The following SFMBT2 variants were observed in gnomAD, a reference collection of about 807,000 sequenced individuals.
SFMBT2 encodes Scm like with four mbt domains 2.
A neutral mutation model predicts 110.1 loss-of-function variants in SFMBT2; 38 were observed. The observed-to-expected ratio is 0.35, with a 90% CI of 0.27 to 0.45. The LOEUF (loss-of-function observed/expected upper bound fraction) is 0.45. Ranked by LOEUF, SFMBT2 falls within the 20% of genes least tolerant of loss-of-function variation. The pLI is 1.00. For missense variants in SFMBT2, 1,011 were observed against 1,094.9 expected (o/e 0.92, Z 1.08); for synonymous variants, 425 against 425.4 (o/e 1.00, Z 0.01).
intron 7 of SFMBT2, among the ~76,000 whole-genome samples, chr10:7,267,826 A>G (rs1429994795): frequency 6.6e-6 from 1 of 152,236 alleles, no homozygotes; most frequent in East Asian, 1.9e-4. Flanking sequence ...CATAGATGTT[A>G]GTGACATTTC....
chr10:7,248,738 G>T (rs925191954), intron 7 of SFMBT2, 89 bp from the exon 8 acceptor site: 15 of 1,105,728 alleles, frequency 1.4e-5, no homozygotes, highest in Non-Finnish European at 1.9e-5. Flanking sequence ...GCATTTTATT[G>T]GGCAACCAAA....
intron 4 of SFMBT2, among the ~76,000 whole-genome samples, chr10:7,291,064 G>T (rs1842249119): frequency 6.6e-6 from 1 of 152,220 alleles, no homozygotes; most frequent in Admixed American, 6.5e-5. Flanking sequence ...CATGCAGGCA[G>T]ATGATGAACA....
chr10:7,350,282 G>A (rs899234372), intron 4 of SFMBT2, among the ~76,000 whole-genome samples: 3 of 151,848 alleles, frequency 2.0e-5, no homozygotes, highest in Non-Finnish European at 2.9e-5. Flanking sequence ...TCCCAATCAC[G>A]AGGTCTGGGG....
At chr10:7,368,019 T>TA in intron 3 of SFMBT2, 130 bp from the exon 4 acceptor site, 1 of 1,317,130 alleles carries the variant, frequency 7.6e-7, no homozygotes, top group Non-Finnish European at 1.0e-6. Context: ...GGCATGTATT[T>TA]ATCTAAGTAA....
chr10:7,256,712 G>A (rs1413191636), intron 7 of SFMBT2, among the ~76,000 whole-genome samples: 1 of 152,200 alleles, frequency 6.6e-6, no homozygotes, highest in Non-Finnish European at 1.5e-5. Context: ...GACCAACGTG[G>A]TTAATCTAGT....
intron 1 of SFMBT2, among the ~76,000 whole-genome samples, chr10:7,405,826 C>T (rs964629162): frequency 1.6e-4 from 20 of 122,220 alleles, no homozygotes; most frequent in Non-Finnish European, 2.9e-4. Flanking sequence ...CCCGATTCCC[C>T]CCCCGACCCC....
intron 1 of SFMBT2, among the ~76,000 whole-genome samples, chr10:7,406,728 T>C (rs571390642): frequency 2.0e-3 from 309 of 152,348 alleles, no homozygotes; most frequent in Non-Finnish European, 3.2e-3. Flanking sequence ...CTTCCATCAT[T>C]ACTGAAACGC....
chr10:7,226,939 A>G (rs961222539), intron 10 of SFMBT2, among the ~76,000 whole-genome samples: 1 of 152,130 alleles, frequency 6.6e-6, no homozygotes, highest in African/African-American at 2.4e-5. Flanking sequence ...TCACACAACA[A>G]TGAAGCGGCC....
intron 14 of SFMBT2, 52 bp from the exon 15 acceptor site, chr10:7,197,739 A>AG (rs747057284): frequency 6.3e-7 from 1 of 1,597,658 alleles, no homozygotes; most frequent in Non-Finnish European, 8.5e-7. Flanking sequence ...CCCAGACCCT[A>AG]GGGGACCCCT....
intron 4 of SFMBT2, among the ~76,000 whole-genome samples, chr10:7,317,030 A>G (rs538508839): frequency 4.9e-4 from 75 of 152,318 alleles, no homozygotes; most frequent in African/African-American, 1.8e-3. Flanking sequence ...CTAAATGAGC[A>G]CATACTTCCT....
chr10:7,397,550 G>A (rs1845959901), intron 1 of SFMBT2, among the ~76,000 whole-genome samples: 1 of 152,096 alleles, frequency 6.6e-6, no homozygotes, highest in African/African-American at 2.4e-5. Flanking sequence ...TTCAAAATGA[G>A]CACAGGCATC....
intron 4 of SFMBT2, among the ~76,000 whole-genome samples, chr10:7,362,815 A>T (rs1844766752): frequency 6.6e-6 from 1 of 152,216 alleles, no homozygotes; most frequent in Admixed American, 6.5e-5. Context: ...AGTGTCTCAC[A>T]ATCTGTTAAA....
At chr10:7,302,274 TGTA>T (rs1842574795) in intron 4 of SFMBT2, among the ~76,000 whole-genome samples, 1 of 152,214 alleles carries the variant, frequency 6.6e-6, no homozygotes, top group South Asian at 2.1e-4. Context: ...TCTTCTCTCA[TGTA>T]GTTGAAATAT....
At chr10:7,345,706 G>A (rs1309498710) in intron 4 of SFMBT2, among the ~76,000 whole-genome samples, 1 of 152,192 alleles carries the variant, frequency 6.6e-6, no homozygotes, top group African/African-American at 2.4e-5. Flanking sequence ...TACAACTACA[G>A]AAGAGTTGGA....
At chr10:7,276,795 G>A (rs1202155886) in intron 7 of SFMBT2, 97 bp downstream of exon 7, 2 of 726,474 alleles carry the variant, frequency 2.8e-6, no homozygotes, top group Non-Finnish European at 5.1e-6. Flanking sequence ...CAAAGTGCTG[G>A]GATTACAGGC....
intron 4 of SFMBT2, among the ~76,000 whole-genome samples, chr10:7,303,115 G>A (rs574081620): frequency 1.3e-5 from 2 of 152,250 alleles, no homozygotes; most frequent in South Asian, 4.1e-4. Context: ...TTGGATTATT[G>A]CATGTGGCAG....
chr10:7,352,053 T>A (rs1226917611), intron 4 of SFMBT2, among the ~76,000 whole-genome samples: 1 of 151,840 alleles, frequency 6.6e-6, no homozygotes, highest in African/African-American at 2.4e-5. Flanking sequence ...TCTGGGCTCC[T>A]TTCAGTGCTA....
chr10:7,227,885 C>T lies in SFMBT2; in HGVS notation c.1173G>A (p.Ala391=), dbSNP rs143424241. Residue 391 remains alanine (A), a synonymous_variant, in exon 10 of 21, where the codon GCG becomes GCA. Coordinates refer to ENST00000397167, the MANE Select transcript of SFMBT2 (RefSeq NM_001387889.1). ...DWADYHKQHG[A]QEAPPFCFRN... ...GGAAGCAGAAGGGAGGGGCTTCCTG[C>T]GCCCCATGCTGCTTGTGATAATCTG... 2.5e-5 allele frequency: 40 copies of T among 1,608,908 alleles called. No individual in the cohort carries two copies. The East Asian group carries it at 4.0e-4, about 16-fold the overall frequency.
At chr10:7,373,372 T>C (rs1845111171) in intron 2 of SFMBT2, among the ~76,000 whole-genome samples, 1 of 152,182 alleles carries the variant, frequency 6.6e-6, no homozygotes. Context: ...ATAAACCTTT[T>C]CTTTATAAAT....
Sources: allele counts gnomAD v4.1 joint callset (sites outside exome capture counted in the v4.1 genomes callset), GRCh38; gene constraint gnomAD v4.1.1; transcripts MANE v1.5; gene names NCBI Gene and HGNC (gene_info 2026-07-23, HGNC 2026-07-21).